The following DAPK2 variants were observed in gnomAD, a reference collection of about 807,000 sequenced individuals.
The protein encoded by DAPK2 is death associated protein kinase 2.
DAPK2 carries 35 observed loss-of-function variants against 44.1 expected under a neutral mutation model. That is an observed-to-expected ratio of 0.79 (90% CI 0.61 to 1.05). The LOEUF is 1.05. Ranked by LOEUF, DAPK2 falls within the 50% of genes least tolerant of loss-of-function variation. DAPK2 has a pLI of 0.00. For missense variants in DAPK2, 453 were observed against 483.2 expected (o/e 0.94, Z 0.59); for synonymous variants, 174 against 182.6 (o/e 0.95, Z 0.38).
chr15:64,024,360 C>T (rs2079775654), intron 1 of DAPK2, among the ~76,000 whole-genome samples: 1 of 152,122 alleles, frequency 6.6e-6, no homozygotes, highest in Non-Finnish European at 1.5e-5. Flanking sequence ...TGTGAGCATG[C>T]CCTGGGGAGG....
upstream of DAPK2, among the ~76,000 whole-genome samples, chr15:64,042,818 G>A (rs2080379434): frequency 6.6e-6 from 1 of 152,202 alleles, no homozygotes; most frequent in Admixed American, 6.5e-5. This position sits in a 1 kb window ranked among gnomAD's most constrained non-coding sequence, Gnocchi z 4.7. Context: ...AAGCCCTGGA[G>A]AGTGGGCATA....
At chr15:63,958,233 T>A (rs1290046943) in intron 3 of DAPK2, among the ~76,000 whole-genome samples, 1 of 152,120 alleles carries the variant, frequency 6.6e-6, no homozygotes, top group Admixed American at 6.6e-5. Context: ...GTTTAAGTTC[T>A]TTGTAGATTC....
intron 1 of DAPK2, among the ~76,000 whole-genome samples, chr15:63,996,127 G>A (rs1005268490): frequency 1.3e-5 from 2 of 152,150 alleles, no homozygotes; most frequent in Admixed American, 6.5e-5. Context: ...GAATCATTTG[G>A]GGAGCTGGTT....
chr15:63,948,641 G>A (rs1379676468), intron 3 of DAPK2, among the ~76,000 whole-genome samples: 2 of 152,126 alleles, frequency 1.3e-5, no homozygotes, highest in Non-Finnish European at 2.9e-5. Flanking sequence ...CCATATCACT[G>A]CTAGACTGCA....
At chr15:63,953,127 C>T (rs1289800573) in intron 3 of DAPK2, among the ~76,000 whole-genome samples, 2 of 151,836 alleles carry the variant, frequency 1.3e-5, no homozygotes, top group Non-Finnish European at 2.9e-5. Context: ...TTATACCTCA[C>T]CCCCCTCCCA....
Position 63,939,151 on chromosome 15 carries a change from C to G in DAPK2, c.583+81G>C. ...TCATCTCTTTGCTCAGAGGCCATAG[C>G]CCCAGACACAGGTTTCTTCCCAGGA... On this transcript the variant is annotated intron_variant, in intron 4 of 10. Coordinates refer to ENST00000261891, the Ensembl canonical transcript of DAPK2. This position sits in a 1 kb window ranked among gnomAD's most constrained non-coding sequence, Gnocchi z 4.3. 1 of 1,583,962 alleles carries G rather than the reference C, an allele frequency of 6.3e-7. No homozygotes were observed. Among genetic ancestry groups the G allele is most frequent in the Non-Finnish European group, 8.6e-7 (1 of 1,165,642 alleles).
At chr15:64,007,744 A>G (rs188493454) in intron 1 of DAPK2, among the ~76,000 whole-genome samples, 188 of 152,362 alleles carry the variant, frequency 1.2e-3, no homozygotes, top group African/African-American at 4.4e-3. Flanking sequence ...GCCATTTAGC[A>G]CTAAATGTCA....
intron 5 of DAPK2, 148 bp from the exon 7 acceptor site, chr15:63,929,725 T>G (rs978015243): frequency 2.2e-6 from 2 of 891,450 alleles, no homozygotes; most frequent in Non-Finnish European, 3.6e-6. Context: ...CCCATCTCCA[T>G]CCTGCTCTTC....
chr15:63,956,713 A>G (rs1343478359), intron 3 of DAPK2, among the ~76,000 whole-genome samples: 1 of 151,994 alleles, frequency 6.6e-6, no homozygotes, highest in East Asian at 1.9e-4. Flanking sequence ...CAGCTTCCCA[A>G]GTAGCTGGGA....
At chr15:63,938,639 C>T (rs1001516877) in intron 4 of DAPK2, among the ~76,000 whole-genome samples, 1 of 152,182 alleles carries the variant, frequency 6.6e-6, no homozygotes, top group Admixed American at 6.5e-5. Flanking sequence ...TTCTTCATGA[C>T]CCCAATCTCC....
chr15:63,932,461 C>A (rs567391900), intron 4 of DAPK2: 1 of 56,030 alleles, frequency 1.8e-5, no homozygotes, highest in Non-Finnish European at 3.4e-5. Flanking sequence ...AACAAAACTC[C>A]GTCTCAAAAA....
intron 4 of DAPK2, among the ~76,000 whole-genome samples, chr15:63,935,343 G>A (rs532566079): frequency 2.2e-4 from 34 of 152,054 alleles, no homozygotes; most frequent in Middle Eastern, 3.4e-3. Context: ...CACCCACCTC[G>A]GCCTCCCAAA....
rs2079654213 is a variant in DAPK2, at chr15:64,020,575, C to T, written c.92+19595G>A. On this transcript the variant is annotated intron_variant, in intron 1 of 10. Transcript: ENST00000261891. This position sits in a 1 kb window ranked among gnomAD's most constrained non-coding sequence, Gnocchi z 4.5. The stretch of plus-strand genomic sequence containing the variant: ...CTTCACCAAAGCAGCACTACTTTGC[C>T]CATCTCCTCTGGGAAGGATTTATAG... Among the ~76,000 whole-genome samples, 1 of 152,214 alleles carries T rather than the reference C, an allele frequency of 6.6e-6. No individual in the cohort carries two copies. The highest frequency in any genetic ancestry group is 2.1e-4 in the South Asian group (1 of 4,836).
chr15:63,930,933 T>A (rs139023300), intron 4 of DAPK2, among the ~76,000 whole-genome samples: 11 of 152,194 alleles, frequency 7.2e-5, no homozygotes, highest in African/African-American at 2.6e-4. Flanking sequence ...TGATGGCACA[T>A]GTCTGCAGTC....
intron 1 of DAPK2, among the ~76,000 whole-genome samples, chr15:64,037,960 C>G (rs931605206): frequency 6.6e-6 from 1 of 152,150 alleles, no homozygotes; most frequent in East Asian, 1.9e-4. Flanking sequence ...CAAGACACCC[C>G]AGGCTATGAG....
At chr15:63,943,608 C>T (rs1189560626) in intron 3 of DAPK2, among the ~76,000 whole-genome samples, 1 of 152,262 alleles carries the variant, frequency 6.6e-6, no homozygotes, top group South Asian at 2.1e-4. Flanking sequence ...CGCAGTGGCT[C>T]ATGCCTGTAT....
intron 1 of DAPK2, among the ~76,000 whole-genome samples, chr15:63,997,435 C>A (rs1055819107): frequency 6.6e-6 from 1 of 152,210 alleles, no homozygotes; most frequent in African/African-American, 2.4e-5. Context: ...TCAAGCAATT[C>A]TCCTGCTGCC....
upstream of DAPK2, among the ~76,000 whole-genome samples, chr15:64,044,966 C>T (rs1475054607): frequency 1.3e-5 from 2 of 152,214 alleles, no homozygotes; most frequent in Non-Finnish European, 2.9e-5. Flanking sequence ...CTCCTCTCTA[C>T]ATTCCAGGCT....
At chr15:63,995,116 TTAATA>T (rs2078918218) in intron 1 of DAPK2, among the ~76,000 whole-genome samples, 1 of 152,210 alleles carries the variant, frequency 6.6e-6, no homozygotes, top group African/African-American at 2.4e-5. Flanking sequence ...TTTTCAATTT[TTAATA>T]TTATGATACT....
Sources: allele counts gnomAD v4.1 joint callset (sites outside exome capture counted in the v4.1 genomes callset), GRCh38; gene constraint gnomAD v4.1.1; non-coding constraint Gnocchi (gnomAD v3.1); transcripts MANE v1.5; gene names NCBI Gene and HGNC (gene_info 2026-07-23, HGNC 2026-07-21).